Variants in ROBO1 observed in about 807,000 individuals in gnomAD.
The protein encoded by ROBO1 is roundabout guidance receptor 1.
ROBO1 carries 149 observed loss-of-function variants against 195.9 expected under a neutral mutation model. The ratio of observed to expected loss-of-function variants is 0.76; its 90% CI spans 0.67 to 0.87. The LOEUF is 0.87. Among genes scored for constraint, ROBO1 ranks in the 40% least tolerant of loss-of-function variants. ROBO1 has a pLI of 0.00. For missense variants in ROBO1, 1,933 were observed against 2,068.3 expected (o/e 0.93, Z 1.27); for synonymous variants, 816 against 733.2 (o/e 1.11, Z -1.82).
intron 2 of ROBO1, among the ~76,000 whole-genome samples, chr3:79,210,030 C>T (rs1417294404): frequency 6.6e-6 from 1 of 152,104 alleles, no homozygotes; most frequent in African/African-American, 2.4e-5. Flanking sequence ...ACAAGGAAAA[C>T]TACAAAACTG....
At chr3:79,450,504 G>C (rs2039407486) in intron 2 of ROBO1, among the ~76,000 whole-genome samples, 1 of 152,044 alleles carries the variant, frequency 6.6e-6, no homozygotes, top group Non-Finnish European at 1.5e-5. Context: ...TAATGTATTA[G>C]TTTTATGAAA....
At chr3:79,423,532 T>C (rs1055137008) in intron 2 of ROBO1, among the ~76,000 whole-genome samples, 1 of 152,110 alleles carries the variant, frequency 6.6e-6, no homozygotes, top group Non-Finnish European at 1.5e-5. Flanking sequence ...TCCATATTTA[T>C]CTATTGGCAG....
At chr3:79,545,644 T>C (rs1260312647) in intron 2 of ROBO1, among the ~76,000 whole-genome samples, 5 of 152,194 alleles carry the variant, frequency 3.3e-5, no homozygotes, top group Non-Finnish European at 7.3e-5. Flanking sequence ...AATTCACAGA[T>C]AAAGAGTGGA....
chr3:79,006,362 A>G (rs1162082457), intron 3 of ROBO1, among the ~76,000 whole-genome samples: 1 of 152,196 alleles, frequency 6.6e-6, no homozygotes, highest in African/African-American at 2.4e-5. Flanking sequence ...ATGAAAAGGT[A>G]AAACACAGAA....
At chr3:79,367,513 A>C (rs1396883287) in intron 2 of ROBO1, among the ~76,000 whole-genome samples, 2 of 152,246 alleles carry the variant, frequency 1.3e-5, no homozygotes, top group African/African-American at 4.8e-5. Context: ...TCTGCTTAGA[A>C]GATCCCCCAC....
intron 3 of ROBO1, among the ~76,000 whole-genome samples, chr3:79,094,929 CCCTCTCTCCCT>C (rs1328172708): frequency 2.1e-5 from 3 of 141,006 alleles, no homozygotes; most frequent in Non-Finnish European, 4.6e-5. Flanking sequence ...CTCCCTCTCT[CCCTCTCTCCCT>C]CCTCTCTCCC....
intron 2 of ROBO1, among the ~76,000 whole-genome samples, chr3:79,162,839 C>T (rs2080995963): frequency 6.6e-6 from 1 of 152,054 alleles, no homozygotes. Context: ...TTGGGTACTG[C>T]TCTGCATCCT....
chr3:79,503,062 T>C (rs748183026), intron 2 of ROBO1, among the ~76,000 whole-genome samples: 1 of 152,168 alleles, frequency 6.6e-6, no homozygotes, highest in African/African-American at 2.4e-5. Context: ...CTTTCCACAC[T>C]GTGAAAGCTT....
chr3:79,535,817 A>C (rs1941836491), intron 2 of ROBO1, among the ~76,000 whole-genome samples: 1 of 152,136 alleles, frequency 6.6e-6, no homozygotes, highest in South Asian at 2.1e-4. Context: ...GCAGTCACTC[A>C]CACCCTTGAT....
At chr3:79,026,689 T>A (rs1188102299) in intron 3 of ROBO1, among the ~76,000 whole-genome samples, 3 of 152,048 alleles carry the variant, frequency 2.0e-5, no homozygotes. Context: ...ATCTTTTGGT[T>A]TCTTACTTCC....
At chr3:79,168,425 C>T (rs925070397) in intron 2 of ROBO1, among the ~76,000 whole-genome samples, 2 of 152,030 alleles carry the variant, frequency 1.3e-5, no homozygotes, top group African/African-American at 2.4e-5. Context: ...GCAGAAACTC[C>T]TTGGCTTTCT....
intron 2 of ROBO1, among the ~76,000 whole-genome samples, chr3:79,372,981 T>C (rs558901466): frequency 6.6e-6 from 1 of 152,224 alleles, no homozygotes; most frequent in South Asian, 2.1e-4. Context: ...ATACTGGGGT[T>C]TGGGTTTCTG....
intron 4 of ROBO1, among the ~76,000 whole-genome samples, chr3:78,806,884 T>G (rs1182681339): frequency 6.6e-6 from 1 of 152,060 alleles, no homozygotes; most frequent in African/African-American, 2.4e-5. Flanking sequence ...CTCAGCTCAC[T>G]GCAACCTCCG....
Position 79,353,760 on chromosome 3 carries a change from G to A in ROBO1, c.89-228221C>T, listed in dbSNP as rs369855517. 3.9e-5 allele frequency among the ~76,000 whole-genome samples: 6 copies of A among 152,078 alleles called. No individual in the cohort carries two copies. In the East Asian group the frequency reaches 7.7e-4, roughly 20 times the overall value. ...CAGAAGGAACAGATAAGAAGTTATTGCAGGCCAGGCGCAGTGGCTCACGCC... is the reference window on the plus strand; with the variant it reads ...CAGAAGGAACAGATAAGAAGTTATTACAGGCCAGGCGCAGTGGCTCACGCC... On this transcript the variant is annotated intron_variant, in intron 2 of 30. Coordinates refer to ENST00000464233, the MANE Select transcript of ROBO1 (RefSeq NM_002941.4).
Position 78,717,787 on chromosome 3 carries a change from C to A in ROBO1, c.754G>T (p.Glu252Ter). 6.2e-7 allele frequency: 1 copy of A among 1,613,678 alleles called. No individual in the cohort carries two copies. The highest frequency in any genetic ancestry group is 8.5e-7 in the Non-Finnish European group (1 of 1,179,728). ...CCTAAGACAGTCAGCTCGGCTACTT[C>A]ACTCTCACGTTCCCCAACCATATTG... ...GTNMVGERES[E>*]VAELTVLERP... The change falls in exon 6 of 31, where the codon GAA (glutamate) becomes TAA (stop). Residue 252 changes from glutamate to a stop codon, truncating the protein, a stop_gained. Coordinates refer to ENST00000464233, the MANE Select transcript of ROBO1 (RefSeq NM_002941.4). LOFTEE classifies it high-confidence loss of function.
intron 3 of ROBO1, among the ~76,000 whole-genome samples, chr3:79,022,107 T>C (rs1406384893): frequency 1.3e-5 from 2 of 152,192 alleles, no homozygotes; most frequent in Non-Finnish European, 2.9e-5. Context: ...ATCTATTTTC[T>C]GTCTATTATA....
chr3:78,645,405 A>T (rs1706213819), intron 21 of ROBO1, among the ~76,000 whole-genome samples: 2 of 150,722 alleles, frequency 1.3e-5, no homozygotes, highest in South Asian at 4.2e-4. Flanking sequence ...TTTTGGTTGG[A>T]AGATTTTTTT....
chr3:79,096,607 T>A (rs1364983363), intron 3 of ROBO1, among the ~76,000 whole-genome samples: 1 of 151,236 alleles, frequency 6.6e-6, no homozygotes, highest in Non-Finnish European at 1.5e-5. Context: ...GACTAGGCAA[T>A]AATATGTGTG....
intron 4 of ROBO1, among the ~76,000 whole-genome samples, chr3:78,748,010 T>C (rs2082698058): frequency 6.6e-6 from 1 of 152,216 alleles, no homozygotes; most frequent in South Asian, 2.1e-4. Context: ...ATAGTTATCA[T>C]TCCTCCACCC....
Sources: allele counts gnomAD v4.1 joint callset (sites outside exome capture counted in the v4.1 genomes callset), GRCh38; gene constraint gnomAD v4.1.1; transcripts MANE v1.5; gene names NCBI Gene and HGNC (gene_info 2026-07-23, HGNC 2026-07-21).